ADGRD1: variants seen among roughly 807,000 people sequenced by gnomAD.
ADGRD1 encodes adhesion G protein-coupled receptor D1, also known as G-protein coupled receptor 133.
In ADGRD1, 77 loss-of-function variants were observed where a neutral mutation model predicts 113.4. The ratio of observed to expected loss-of-function variants is 0.68; its 90% CI spans 0.57 to 0.82. ADGRD1 has a LOEUF of 0.82. Among genes scored for constraint, ADGRD1 ranks in the 40% least tolerant of loss-of-function variants. The pLI is 0.00. For missense variants in ADGRD1, 1,036 were observed against 1,139.1 expected (o/e 0.91, Z 1.30); for synonymous variants, 474 against 475.0 (o/e 1.00, Z 0.03).
chr12:131,073,683 C>T (rs184111276), intron 13 of ADGRD1, among the ~76,000 whole-genome samples: 1 of 152,246 alleles, frequency 6.6e-6, no homozygotes, highest in African/African-American at 2.4e-5. Flanking sequence ...GTTCTGGAGG[C>T]TGTGAAGTCC....
chr12:130,971,308 T>A lies in ADGRD1; in HGVS notation c.188-150T>A. On this transcript the variant is annotated intron_variant, in intron 3 of 24. Transcript: ENST00000261654. The surrounding 1 kb of genome is among the most constrained non-coding windows in gnomAD (Gnocchi z 4.2). ...AATATTACTGATGCTATGAATATTA[T>A]CATAGAATAATATATGATGTTATAA... 1.3e-5 allele frequency: 5 copies of A among 376,298 alleles called. No homozygotes were observed. Among genetic ancestry groups the A allele is most frequent in the South Asian group, 1.1e-4 (2 of 17,972 alleles). The allele number at this position is 376,298 out of a possible 1,614,324, so 23.3% of individuals were successfully genotyped here. A position where few individuals can be genotyped will look rare whatever the true frequency, so the allele number is the denominator to read the frequency against.
chr12:131,121,523 GCC>G (rs1309048522), intron 20 of ADGRD1, among the ~76,000 whole-genome samples: 2 of 152,190 alleles, frequency 1.3e-5, no homozygotes, highest in Non-Finnish European at 2.9e-5. Context: ...TGGGATTACA[GCC>G]ATGCGCCACC....
intron 13 of ADGRD1, among the ~76,000 whole-genome samples, chr12:131,017,780 TAC>T (rs980924110): frequency 2.3e-5 from 3 of 131,790 alleles, no homozygotes; most frequent in East Asian, 2.4e-4. Flanking sequence ...ACACACTCAG[TAC>T]ACACACACCC....
At chr12:131,112,790 C>T (rs1950373867) in intron 18 of ADGRD1, among the ~76,000 whole-genome samples, 1 of 152,210 alleles carries the variant, frequency 6.6e-6, no homozygotes, top group African/African-American at 2.4e-5. Context: ...TGGGGGAAAT[C>T]GCTTCGAATC....
chr12:131,040,202 G>A (rs11061302), intron 13 of ADGRD1, among the ~76,000 whole-genome samples: 8,385 of 152,202 alleles, frequency 0.055, 431 homozygotes, highest in African/African-American at 0.14. Flanking sequence ...AACAGGACAG[G>A]GATTTGAGGT....
intron 17 of ADGRD1, 41 bp from the exon 18 acceptor site, chr12:131,108,683 C>A: frequency 6.2e-7 from 1 of 1,613,756 alleles, no homozygotes; most frequent in East Asian, 2.2e-5. Flanking sequence ...CCAGGGCCCA[C>A]CCCAGAGCTG....
At chr12:130,972,663 G>A (rs767326303) in intron 4 of ADGRD1, among the ~76,000 whole-genome samples, 34 of 152,020 alleles carry the variant, frequency 2.2e-4, no homozygotes, top group Middle Eastern at 3.4e-3. Flanking sequence ...CGGTGGCAGG[G>A]GCGAGGAGGA....
At chr12:131,040,265 C>G (rs1374513022) in intron 13 of ADGRD1, among the ~76,000 whole-genome samples, 1 of 152,214 alleles carries the variant, frequency 6.6e-6, no homozygotes, top group African/African-American at 2.4e-5. Flanking sequence ...GCTTCCTCCT[C>G]TCCCTCCTGC....
Position 130,982,062 on chromosome 12 carries a change from A to T in ADGRD1, c.489A>T (p.Pro163=). Residue 163 remains proline (P), a splice_region_variant and synonymous_variant, in exon 5 of 25, where the codon CCA becomes CCT. Transcript: ENST00000261654. ...SMTWEASFSP[P]GPYWTHVLFT... ...CATGGGAGGCCTCCTTCAGCCCCCC[A>T]GGTGAGTGACAGCATCGGTCCCGGG... 1 of 1,612,860 alleles carries T rather than the reference A, an allele frequency of 6.2e-7. No homozygotes were observed. The highest frequency in any genetic ancestry group is 8.5e-7 in the Non-Finnish European group (1 of 1,179,344).
chr12:131,031,697 G>C (rs1357817584), intron 13 of ADGRD1, among the ~76,000 whole-genome samples: 3 of 152,056 alleles, frequency 2.0e-5, no homozygotes, highest in Non-Finnish European at 4.4e-5. Context: ...CACCTCCATG[G>C]ATCTCTGTGT....
chr12:131,033,291 A>C (rs1440283540), intron 13 of ADGRD1, among the ~76,000 whole-genome samples: 1 of 152,170 alleles, frequency 6.6e-6, no homozygotes, highest in Non-Finnish European at 1.5e-5. Flanking sequence ...AAGGACTTCC[A>C]GGCCGGAGGG....
intron 15 of ADGRD1, among the ~76,000 whole-genome samples, chr12:131,092,502 G>A (rs960213661): frequency 7.9e-5 from 12 of 152,206 alleles, no homozygotes; most frequent in African/African-American, 2.9e-4. Context: ...CGTGTGGGAG[G>A]TTGGGAGGAG....
chr12:131,112,792 C>G (rs768654440), intron 18 of ADGRD1, among the ~76,000 whole-genome samples: 12 of 152,220 alleles, frequency 7.9e-5, no homozygotes, highest in Non-Finnish European at 1.2e-4. Flanking sequence ...GGGGAAATCG[C>G]TTCGAATCTT....
At chr12:131,135,378 G>A (rs1411208594) in intron 21 of ADGRD1, among the ~76,000 whole-genome samples, 1 of 152,170 alleles carries the variant, frequency 6.6e-6, no homozygotes, top group African/African-American at 2.4e-5. Flanking sequence ...TGATGGGGCT[G>A]GTGTGTTCAG....
intron 14 of ADGRD1, among the ~76,000 whole-genome samples, chr12:131,082,483 G>A (rs1886146376): frequency 6.6e-6 from 1 of 152,212 alleles, no homozygotes; most frequent in Non-Finnish European, 1.5e-5. Flanking sequence ...TCTGAGCGAT[G>A]TGACTTTCAT....
intron 20 of ADGRD1, among the ~76,000 whole-genome samples, chr12:131,123,126 G>A (rs1176474383): frequency 7.9e-6 from 1 of 126,856 alleles, no homozygotes; most frequent in Non-Finnish European, 1.6e-5. Context: ...GCACGATCTT[G>A]GCTTACTGCA....
At chr12:131,138,676 G>A (rs1441614428) in intron 24 of ADGRD1, among the ~76,000 whole-genome samples, 3 of 151,972 alleles carry the variant, frequency 2.0e-5, no homozygotes, top group Non-Finnish European at 4.4e-5. Flanking sequence ...CAATGAAGGC[G>A]CTCCCACCCA....
At chr12:131,138,467 T>C (rs1951160307) in intron 24 of ADGRD1, among the ~76,000 whole-genome samples, 1 of 152,184 alleles carries the variant, frequency 6.6e-6, no homozygotes, top group African/African-American at 2.4e-5. Context: ...GGGCTTCTTG[T>C]GTTCACTTAG....
intron 12 of ADGRD1, among the ~76,000 whole-genome samples, chr12:131,009,756 C>T (rs190559459): frequency 1.2e-4 from 18 of 152,102 alleles, no homozygotes; most frequent in Admixed American, 8.5e-4. Context: ...CATGCAAATG[C>T]GCGTGTGTGC....
Sources: allele counts gnomAD v4.1 joint callset (sites outside exome capture counted in the v4.1 genomes callset), GRCh38; gene constraint gnomAD v4.1.1; non-coding constraint Gnocchi (gnomAD v3.1); transcripts MANE v1.5; gene names NCBI Gene and HGNC (gene_info 2026-07-23, HGNC 2026-07-21).